Variants in LEKR1 observed in about 807,000 individuals in gnomAD.
The protein encoded by LEKR1 is protein LEKR1.
In LEKR1, 59 loss-of-function variants were observed where a neutral mutation model predicts 72.4. The ratio of observed to expected loss-of-function variants is 0.82; its 90% CI spans 0.66 to 1.01. LEKR1 has a LOEUF of 1.01. Among genes scored for constraint, LEKR1 ranks in the 50% least tolerant of loss-of-function variants. LEKR1 has a pLI of 0.00. For synonymous variants in LEKR1, 257 were observed against 263.2 expected (o/e 0.98, Z 0.23); for missense variants, 728 against 759.2 (o/e 0.96, Z 0.48).
At chr3:157,011,274 T>C (rs1319908584) in intron 9 of LEKR1, 139 bp from the exon 10 acceptor site, 5 of 586,320 alleles carry the variant, frequency 8.5e-6, no homozygotes, top group Non-Finnish European at 1.5e-5. Flanking sequence ...GTTAAAATGA[T>C]ATGTAGTAGC....
intron 12 of LEKR1, among the ~76,000 whole-genome samples, chr3:157,036,877 T>A (rs1482859): frequency 0.6 from 90,543 of 151,946 alleles, 30,292 homozygotes; most frequent in South Asian, 0.8. Context: ...TCTGTAAGTT[T>A]GGTGAAAAAT....
At chr3:156,868,702 A>G (rs903077703) in intron 3 of LEKR1, among the ~76,000 whole-genome samples, 1 of 152,016 alleles carries the variant, frequency 6.6e-6, no homozygotes, top group Non-Finnish European at 1.5e-5. Flanking sequence ...AATATTTCAA[A>G]TTATCTCTTC....
At chr3:156,835,641 A>AT (rs1339704442) in intron 2 of LEKR1, among the ~76,000 whole-genome samples, 2 of 152,176 alleles carry the variant, frequency 1.3e-5, no homozygotes. Flanking sequence ...TGGTTTTCTT[A>AT]TTCGGTGTGC....
rs1560115342 is a variant in LEKR1 at position 156,969,295 on chromosome 3, G to A, written c.746-9899G>A. Among the ~76,000 whole-genome samples, 5 of 152,248 alleles carry A rather than the reference G, an allele frequency of 3.3e-5. No homozygotes were observed. The South Asian group carries it at 8.3e-4, about 25-fold the overall frequency. On this transcript the variant is annotated intron_variant, in intron 6 of 12. Coordinates refer to ENST00000356539, the MANE Select transcript of LEKR1 (RefSeq NM_001004316.3). The stretch of plus-strand genomic sequence containing the variant: ...TGAGAGCAGAACTGAAGGAAGTAGA[G>A]ACACAAAAAACCCTTCAAAAAATCA...
chr3:157,039,259 T>A (rs945092703), intron 12 of LEKR1, among the ~76,000 whole-genome samples: 39 of 152,334 alleles, frequency 2.6e-4, no homozygotes, highest in African/African-American at 9.1e-4. Context: ...AACATTTTGG[T>A]GTTTTGAAAA....
intron 9 of LEKR1, among the ~76,000 whole-genome samples, chr3:157,003,336 A>G (rs958841923): frequency 5.3e-5 from 8 of 152,210 alleles, no homozygotes; most frequent in African/African-American, 1.7e-4. Flanking sequence ...AATACCACTT[A>G]TAGGAAGACC....
intron 3 of LEKR1, among the ~76,000 whole-genome samples, chr3:156,908,551 G>A (rs62275761): frequency 0.032 from 4,842 of 152,084 alleles, 119 homozygotes; most frequent in Non-Finnish European, 0.048. Context: ...TTAGTAGCTC[G>A]CTTAGGTCAA....
chr3:156,992,446 C>CAG (rs59581542), intron 7 of LEKR1, among the ~76,000 whole-genome samples: 1,765 of 152,140 alleles, frequency 0.012, 37 homozygotes, highest in African/African-American at 0.04. Context: ...TAGTGTTGTG[C>CAG]AGTTTATACT....
intron 6 of LEKR1, among the ~76,000 whole-genome samples, chr3:156,971,258 A>C (rs184789949): frequency 0.025 from 3,782 of 152,228 alleles, 145 homozygotes; most frequent in East Asian, 0.16. Context: ...CCTATTTAAT[A>C]AATGGTGCTG....
chr3:156,882,771 G>A (rs971112417), intron 3 of LEKR1, among the ~76,000 whole-genome samples: 2 of 152,138 alleles, frequency 1.3e-5, no homozygotes, highest in African/African-American at 4.8e-5. Flanking sequence ...AACAATGATA[G>A]ACTGGATTAA....
At chr3:156,838,563 C>T (rs139369783) in intron 2 of LEKR1, among the ~76,000 whole-genome samples, 2 of 152,280 alleles carry the variant, frequency 1.3e-5, no homozygotes, top group East Asian at 3.9e-4. Context: ...GGAGCCAAAC[C>T]AACTGGGAGA....
intron 2 of LEKR1, among the ~76,000 whole-genome samples, chr3:156,844,183 G>T (rs897698844): frequency 1.3e-5 from 2 of 152,026 alleles, no homozygotes; most frequent in Non-Finnish European, 2.9e-5. Flanking sequence ...TTTACATAGG[G>T]TAAAGCCAAC....
chr3:156,965,279 C>T (rs1728467991), intron 6 of LEKR1, among the ~76,000 whole-genome samples: 1 of 152,024 alleles, frequency 6.6e-6, no homozygotes, highest in South Asian at 2.1e-4. Context: ...CATAATTTGT[C>T]ATATTTTATA....
At chr3:157,007,420 A>C (rs9829700) in intron 9 of LEKR1, among the ~76,000 whole-genome samples, 110,260 of 151,456 alleles carry the variant, frequency 0.73, 40,617 homozygotes, top group East Asian at 0.93. Flanking sequence ...CAGTTACTGG[A>C]AGTAAAAAGA....
intron 6 of LEKR1, among the ~76,000 whole-genome samples, chr3:156,970,469 C>T (rs1254555093): frequency 2.6e-5 from 4 of 151,986 alleles, no homozygotes; most frequent in South Asian, 4.1e-4. Context: ...TTAGGTCTAA[C>T]GTTTAAGTCT....
At chr3:156,885,458 T>A (rs1348078271) in intron 3 of LEKR1, among the ~76,000 whole-genome samples, 1 of 152,216 alleles carries the variant, frequency 6.6e-6, no homozygotes, top group Non-Finnish European at 1.5e-5. Flanking sequence ...GTTCAGATCC[T>A]CCTGTCCCAT....
At chr3:156,949,588 A>G (rs1726977433) in intron 6 of LEKR1, among the ~76,000 whole-genome samples, 2 of 151,048 alleles carry the variant, frequency 1.3e-5, no homozygotes, top group South Asian at 4.1e-4. Context: ...GTTATTTTGC[A>G]TAAGTTAAAC....
At chr3:157,010,897 T>G (rs1187830392) in intron 9 of LEKR1, among the ~76,000 whole-genome samples, 2 of 152,140 alleles carry the variant, frequency 1.3e-5, no homozygotes, top group Non-Finnish European at 2.9e-5. Context: ...CACATCTCTC[T>G]ACTTAATTTG....
At position 156,920,607 on chromosome 3, in the gene LEKR1, A is replaced by G; in HGVS notation, c.296A>G (p.Gln99Arg). 6.8e-7 allele frequency: 1 copy of G among 1,471,906 alleles called. No homozygotes were observed. Among genetic ancestry groups the G allele is most frequent in the East Asian group, 2.5e-5 (1 of 40,090 alleles). The allele number at this position is 1,471,906 out of a possible 1,614,324, so 91.2% of individuals were successfully genotyped here. A position where few individuals can be genotyped will look rare whatever the true frequency, so the allele number is the denominator to read the frequency against. Residue 99 changes from glutamine to arginine, a missense_variant, in exon 4 of 13, where the codon CAA (glutamine) becomes CGA (arginine). Coordinates refer to ENST00000356539, the MANE Select transcript of LEKR1 (RefSeq NM_001004316.3). Reference sequence around the variant, plus strand: ...GATGTAGGCATGCAGTTAAAAAGTCAACAAAATGAATTTCAGAAAGTAAAG... The same window carrying G: ...GATGTAGGCATGCAGTTAAAAAGTCGACAAAATGAATTTCAGAAAGTAAAG... ...IYDVGMQLKS[Q>R]QNEFQKVKKQ...
Sources: allele counts gnomAD v4.1 joint callset (sites outside exome capture counted in the v4.1 genomes callset), GRCh38; gene constraint gnomAD v4.1.1; transcripts MANE v1.5; gene names NCBI Gene and HGNC (gene_info 2026-07-23, HGNC 2026-07-21).